CDKN2B-AS1: variants seen among roughly 807,000 people sequenced by gnomAD.
The protein encoded by CDKN2B-AS1 is CDKN2B and CDKN2A antisense cis and trans regulatory RNA 1, also known as CDKN2B antisense RNA 1 (non-protein coding).
chr9:22,068,031 T>C (rs1410659125), intron 4 of CDKN2B-AS1, among the ~76,000 whole-genome samples: 1 of 152,324 alleles, frequency 6.6e-6, no homozygotes, highest in South Asian at 2.1e-4. Flanking sequence ...CTTTTGGGTC[T>C]GTGTAGCCCC....
chr9:22,028,282 C>T (rs948585616), intron 1 of CDKN2B-AS1, among the ~76,000 whole-genome samples: 1 of 152,008 alleles, frequency 6.6e-6, no homozygotes, highest in African/African-American at 2.4e-5. Flanking sequence ...TCTCAATAAT[C>T]ATCAACTGAT....
At chr9:22,025,250 G>T (rs888978826) in intron 1 of CDKN2B-AS1, among the ~76,000 whole-genome samples, 1 of 152,224 alleles carries the variant, frequency 6.6e-6, no homozygotes, top group Non-Finnish European at 1.5e-5. Context: ...TCTCTGTCTG[G>T]TGACGAGCAG....
At chr9:22,104,179 A>AGCATTGCCACCATATG (rs1460219419) in intron 4 of CDKN2B-AS1, among the ~76,000 whole-genome samples, 11 of 152,168 alleles carry the variant, frequency 7.2e-5, no homozygotes, top group Admixed American at 7.2e-4. Flanking sequence ...TCCCTTCCAT[A>AGCATTGCCACCATATG]GCATTGCCAC....
At chr9:22,052,798 T>G (rs1823406976) in intron 3 of CDKN2B-AS1, among the ~76,000 whole-genome samples, 1 of 152,218 alleles carries the variant, frequency 6.6e-6, no homozygotes, top group African/African-American at 2.4e-5. Flanking sequence ...TAAAATGAAG[T>G]GACTAATCTT....
chr9:22,085,753 A>G (rs1824850521), intron 4 of CDKN2B-AS1, among the ~76,000 whole-genome samples: 2 of 149,258 alleles, frequency 1.3e-5, no homozygotes, highest in Admixed American at 1.3e-4. Context: ...CCCTCTCTTT[A>G]TATCTCAGGG....
At chr9:22,047,238 T>G (rs1029271876) in intron 2 of CDKN2B-AS1, among the ~76,000 whole-genome samples, 1 of 152,166 alleles carries the variant, frequency 6.6e-6, no homozygotes, top group Admixed American at 6.5e-5. Flanking sequence ...TTCCCAAGCC[T>G]TAAAACTATG....
intron 1 of CDKN2B-AS1, among the ~76,000 whole-genome samples, chr9:22,028,939 G>C (rs1418050255): frequency 6.6e-6 from 1 of 151,922 alleles, no homozygotes; most frequent in South Asian, 2.1e-4. Flanking sequence ...ATTGATTATG[G>C]TATAATACAA....
chr9:22,065,907 AGCT>A (rs1337451634), intron 4 of CDKN2B-AS1: 1 of 152,210 alleles, frequency 6.6e-6, no homozygotes, highest in African/African-American at 2.4e-5. Flanking sequence ...TTGTACCCGT[AGCT>A]CTTTGTTCTG....
At chr9:22,049,558 AC>A in intron 3 of CDKN2B-AS1, among the ~76,000 whole-genome samples, 1 of 152,188 alleles carries the variant, frequency 6.6e-6, no homozygotes, top group East Asian at 1.9e-4. Flanking sequence ...GGACTGGCCC[AC>A]ACACCAGCCA....
At chr9:22,031,946 TA>T in intron 1 of CDKN2B-AS1, among the ~76,000 whole-genome samples, 1 of 152,186 alleles carries the variant, frequency 6.6e-6, no homozygotes, top group Non-Finnish European at 1.5e-5. Flanking sequence ...CAGCAAGCAG[TA>T]AACAGATGCC....
intron 4 of CDKN2B-AS1, among the ~76,000 whole-genome samples, chr9:22,075,907 A>T (rs964857212): frequency 1.3e-4 from 20 of 152,202 alleles, no homozygotes; most frequent in Admixed American, 1.2e-3. Flanking sequence ...GCTCTGCTCA[A>T]ATCTTTGTAT....
chr9:22,062,584 A>G (rs1823866689), intron 4 of CDKN2B-AS1, among the ~76,000 whole-genome samples: 1 of 152,088 alleles, frequency 6.6e-6, no homozygotes, highest in Non-Finnish European at 1.5e-5. Flanking sequence ...CATGATTCCA[A>G]GAGTCTTTCT....
chr9:22,008,589 A>G (rs1009925713), intron 1 of CDKN2B-AS1: 21 of 1,419,238 alleles, frequency 1.5e-5, no homozygotes, highest in African/African-American at 2.9e-5. Flanking sequence ...AAAAACCACT[A>G]AAAAAAGCTT....
intron 1 of CDKN2B-AS1, chr9:22,003,768 AT>A (rs1227359772): frequency 2.6e-5 from 6 of 232,146 alleles, no homozygotes; most frequent in African/African-American, 1.3e-4. Context: ...GTTATTCTCC[AT>A]ATTGTTGACA....
intron 1 of CDKN2B-AS1, chr9:22,012,517 G>C (rs1821556470): frequency 1.6e-6 from 1 of 643,224 alleles, no homozygotes; most frequent in South Asian, 1.4e-5. Context: ...CCAACAACCT[G>C]CACCCCAAGA....
chr9:22,049,786 G>C (rs1338626185), intron 3 of CDKN2B-AS1, among the ~76,000 whole-genome samples: 1 of 152,152 alleles, frequency 6.6e-6, no homozygotes, highest in Non-Finnish European at 1.5e-5. Context: ...TACTTTACAA[G>C]ATTGTAACTA....
At chr9:22,074,705 GT>G (rs1231709088) in intron 4 of CDKN2B-AS1, among the ~76,000 whole-genome samples, 3 of 152,150 alleles carry the variant, frequency 2.0e-5, no homozygotes, top group African/African-American at 7.2e-5. Context: ...CTAGGTTCCT[GT>G]TCTTCCCCAC....
intron 4 of CDKN2B-AS1, among the ~76,000 whole-genome samples, chr9:22,064,639 G>T (rs1030882570): frequency 6.6e-6 from 1 of 152,188 alleles, no homozygotes; most frequent in African/African-American, 2.4e-5. Context: ...CTGAGGGTCT[G>T]AAGTAGGATT....
intron 1 of CDKN2B-AS1, among the ~76,000 whole-genome samples, chr9:22,033,140 C>T (rs1822545468): frequency 6.6e-6 from 1 of 152,048 alleles, no homozygotes; most frequent in Admixed American, 6.6e-5. Flanking sequence ...GATGATCTGA[C>T]GTGGAACAGT....
Sources: gnomAD v4.1 joint callset for allele counts (sites outside exome capture counted in the v4.1 genomes callset) on GRCh38, gnomAD v4.1.1 for gene constraint, MANE v1.5 for transcripts, NCBI Gene and HGNC (gene_info 2026-07-23, HGNC 2026-07-21) for gene names.